AMBRA1: variants seen among roughly 807,000 people sequenced by gnomAD.
AMBRA1 encodes the protein autophagy and beclin 1 regulator 1.
Under a neutral mutation model 125.4 loss-of-function variants are expected in AMBRA1, and 47 were observed. The ratio of observed to expected loss-of-function variants is 0.37; its 90% CI spans 0.30 to 0.48. The LOEUF (loss-of-function observed/expected upper bound fraction) is 0.48. AMBRA1 is among the 20% of genes least tolerant of loss of function. AMBRA1 has a pLI of 0.99. For missense variants in AMBRA1, 1,331 were observed against 1,693.4 expected (o/e 0.79, Z 3.76); for synonymous variants, 626 against 655.5 (o/e 0.95, Z 0.69).
intron 1 of AMBRA1, among the ~76,000 whole-genome samples, chr11:46,582,728 C>A (rs1372123998): frequency 2.6e-5 from 4 of 152,110 alleles, no homozygotes; most frequent in African/African-American, 9.7e-5. Context: ...AATAAGAGTA[C>A]TTACGTCATA....
chr11:46,471,447 G>A (rs189055804), intron 11 of AMBRA1, among the ~76,000 whole-genome samples: 1,672 of 151,570 alleles, frequency 0.011, 11 homozygotes, highest in Non-Finnish European at 0.015. Context: ...GCATGGTGGC[G>A]GGCGCCTGCA....
At chr11:46,524,403 G>T (rs1401941615) in intron 7 of AMBRA1, among the ~76,000 whole-genome samples, 1 of 152,164 alleles carries the variant, frequency 6.6e-6, no homozygotes, top group Non-Finnish European at 1.5e-5. Flanking sequence ...GAATTATCCA[G>T]CCCCAAATGT....
At chr11:46,414,215 C>T (rs974596792) in intron 15 of AMBRA1, among the ~76,000 whole-genome samples, 3 of 152,290 alleles carry the variant, frequency 2.0e-5, no homozygotes, top group Non-Finnish European at 4.4e-5. Context: ...AGTGACACGA[C>T]GGGAGAGGAT....
chr11:46,500,128 A>C (rs1285847525), intron 9 of AMBRA1, among the ~76,000 whole-genome samples: 1 of 152,228 alleles, frequency 6.6e-6, no homozygotes, highest in Non-Finnish European at 1.5e-5. Flanking sequence ...ACTAGAACCC[A>C]GGACTATTCC....
chr11:46,492,526 A>G (rs1213277743), intron 11 of AMBRA1, among the ~76,000 whole-genome samples: 1 of 152,222 alleles, frequency 6.6e-6, no homozygotes, highest in Non-Finnish European at 1.5e-5. Flanking sequence ...CTTGATTTTT[A>G]TACCTTTTAT....
chr11:46,462,313 G>A (rs1434122200), intron 11 of AMBRA1, among the ~76,000 whole-genome samples: 6 of 152,134 alleles, frequency 3.9e-5, no homozygotes, highest in Non-Finnish European at 5.9e-5. Context: ...TATGCCCCTT[G>A]GGGTATGGGA....
intron 12 of AMBRA1, among the ~76,000 whole-genome samples, chr11:46,439,092 G>T (rs749496739): frequency 6.6e-6 from 1 of 151,922 alleles, no homozygotes; most frequent in South Asian, 2.1e-4. Context: ...GCAACACAGC[G>T]AGATCTCATC....
intron 1 of AMBRA1, among the ~76,000 whole-genome samples, chr11:46,552,451 G>C (rs1259780953): frequency 2.0e-5 from 3 of 148,532 alleles, no homozygotes; most frequent in Non-Finnish European, 4.4e-5. Flanking sequence ...ACTTTGGGAG[G>C]CTGAGGTGGG....
intron 14 of AMBRA1, 61 bp downstream of exon 14, chr11:46,433,413 C>T (rs561352372): frequency 1.1e-5 from 17 of 1,581,416 alleles, no homozygotes; most frequent in Admixed American, 8.6e-5. Context: ...ACTGTCCCCT[C>T]ATTACCCTTC....
chr11:46,531,252 C>G (rs1237018851), intron 7 of AMBRA1, among the ~76,000 whole-genome samples: 1 of 152,144 alleles, frequency 6.6e-6, no homozygotes, highest in Non-Finnish European at 1.5e-5. Flanking sequence ...GTAATTGCAA[C>G]AGAGACTGTA....
chr11:46,416,014 C>A (rs1284619662), intron 15 of AMBRA1, among the ~76,000 whole-genome samples: 1 of 151,518 alleles, frequency 6.6e-6, no homozygotes. Flanking sequence ...ATTATTTTTG[C>A]AAGGGAGAGG....
intron 15 of AMBRA1, among the ~76,000 whole-genome samples, chr11:46,411,057 G>C (rs1310724288): frequency 7.1e-6 from 1 of 141,816 alleles, no homozygotes; most frequent in Admixed American, 7.5e-5. Context: ...CTGAGATCGC[G>C]CCACTGTACT....
chr11:46,440,242 A>T (rs1947938503), intron 12 of AMBRA1, among the ~76,000 whole-genome samples: 1 of 152,266 alleles, frequency 6.6e-6, no homozygotes. Context: ...GTAGGCAGTC[A>T]TAAAAAAGAA....
intron 7 of AMBRA1, among the ~76,000 whole-genome samples, chr11:46,523,858 T>G (rs577367614): frequency 6.6e-6 from 1 of 152,148 alleles, no homozygotes; most frequent in African/African-American, 2.4e-5. Flanking sequence ...TGAGATGTCA[T>G]AGTTTTATTC....
At chr11:46,529,863 A>T (rs1005892020) in intron 7 of AMBRA1, among the ~76,000 whole-genome samples, 4 of 152,218 alleles carry the variant, frequency 2.6e-5, no homozygotes, top group Non-Finnish European at 5.9e-5. Flanking sequence ...AAATTTGCTC[A>T]CACAAACATG....
chr11:46,488,543 G>A (rs1258554541), intron 11 of AMBRA1, among the ~76,000 whole-genome samples: 1 of 151,476 alleles, frequency 6.6e-6, no homozygotes, highest in Non-Finnish European at 1.5e-5. Flanking sequence ...CTCAATAACT[G>A]ACAAACTAGA....
At chr11:46,504,113 G>A (rs530361898) in intron 9 of AMBRA1, among the ~76,000 whole-genome samples, 29 of 152,340 alleles carry the variant, frequency 1.9e-4, no homozygotes, top group Middle Eastern at 6.8e-3. Flanking sequence ...CATTAGCAAA[G>A]CCTTTGCTAC....
At chr11:46,410,519 C>T in intron 15 of AMBRA1, 151 bp from the exon 16 acceptor site, 1 of 676,670 alleles carries the variant, frequency 1.5e-6, no homozygotes, top group East Asian at 2.7e-5. Context: ...GAGCTGCTGC[C>T]TCATCAGGAT....
intron 1 of AMBRA1, among the ~76,000 whole-genome samples, chr11:46,569,486 G>A (rs1244883018): frequency 6.7e-6 from 1 of 148,152 alleles, no homozygotes; most frequent in African/African-American, 2.5e-5. Flanking sequence ...CAAGATGGCA[G>A]GTACAGAATA....
Sources: gnomAD v4.1 joint callset for allele counts (sites outside exome capture counted in the v4.1 genomes callset) on GRCh38, gnomAD v4.1.1 for gene constraint, MANE v1.5 for transcripts, NCBI Gene and HGNC (gene_info 2026-07-23, HGNC 2026-07-21) for gene names.